Variants in DPY19L2 observed in about 807,000 individuals in gnomAD.
The protein encoded by DPY19L2 is probable C-mannosyltransferase DPY19L2.
DPY19L2 carries 34 observed loss-of-function variants against 97.9 expected under a neutral mutation model. The observed-to-expected ratio is 0.35, with a 90% CI of 0.26 to 0.46. The LOEUF (loss-of-function observed/expected upper bound fraction) is 0.46. DPY19L2 is among the 20% of genes least tolerant of loss of function. DPY19L2 has a pLI of 1.00. For missense variants in DPY19L2, 623 were observed against 911.4 expected, an observed-to-expected ratio of 0.68 and a Z score of 4.07; for synonymous variants, 230 against 307.9, an observed-to-expected ratio of 0.75 and a Z score of 2.65.
chr12:63,603,819 T>C (rs4044901), intron 12 of DPY19L2, among the ~76,000 whole-genome samples: 1 of 152,174 alleles, frequency 6.6e-6, no homozygotes, highest in Non-Finnish European at 1.5e-5. Flanking sequence ...AGAGCTCATA[T>C]AGCCAAGACA....
intron 11 of DPY19L2, among the ~76,000 whole-genome samples, chr12:63,609,744 G>C (rs1485888097): frequency 6.6e-6 from 1 of 152,116 alleles, no homozygotes; most frequent in Non-Finnish European, 1.5e-5. Flanking sequence ...TCTACAAGTT[G>C]ATAGGTTATT....
rs548434218 is a variant in DPY19L2 at position 63,634,796 on chromosome 12, G to C, written c.804-8270C>G. Among the ~76,000 whole-genome samples the C allele has an allele frequency of 5.9e-3, 901 of 152,160 alleles. 2 individuals are homozygous for C. Among genetic ancestry groups the C allele is most frequent in the African/African-American group, 0.021 (861 of 41,492 alleles). On this transcript the variant is annotated intron_variant, in intron 6 of 21. Coordinates refer to ENST00000324472, the MANE Select transcript of DPY19L2 (RefSeq NM_173812.5). ...CAAAGCAGCCAGGAAGCTCGAACAG[G>C]GTGGAGCCCACCGCAGCTCAAGGAG...
At chr12:63,598,960 G>T (rs1365301204) in intron 13 of DPY19L2, among the ~76,000 whole-genome samples, 1 of 151,526 alleles carries the variant, frequency 6.6e-6, no homozygotes, top group Non-Finnish European at 1.5e-5. Flanking sequence ...ATCACTTGAG[G>T]TCAGGAGTTT....
chr12:63,634,796 G>T (rs548434218), intron 6 of DPY19L2, among the ~76,000 whole-genome samples: 6 of 152,090 alleles, frequency 3.9e-5, no homozygotes, highest in Non-Finnish European at 8.8e-5. Flanking sequence ...GCTCGAACAG[G>T]GTGGAGCCCA....
At chr12:63,566,223 T>C (rs1264413598) in intron 21 of DPY19L2, among the ~76,000 whole-genome samples, 3 of 151,960 alleles carry the variant, frequency 2.0e-5, no homozygotes, top group Non-Finnish European at 4.4e-5. Context: ...AGTGCTCTTT[T>C]GTTTTTTTAA....
chr12:63,659,218 A>C (rs1256988366), intron 4 of DPY19L2, among the ~76,000 whole-genome samples: 1 of 152,184 alleles, frequency 6.6e-6, no homozygotes, highest in Non-Finnish European at 1.5e-5. Flanking sequence ...TTAATATTCA[A>C]AATCAACTAT....
intron 16 of DPY19L2, among the ~76,000 whole-genome samples, chr12:63,592,908 T>A (rs1295986936): frequency 2.0e-5 from 3 of 151,300 alleles, no homozygotes; most frequent in African/African-American, 7.3e-5. Flanking sequence ...AGGGCTAATA[T>A]CCAGAATCTA....
chr12:63,661,254 C>T, intron 4 of DPY19L2, 90 bp downstream of exon 4: 1 of 1,282,892 alleles, frequency 7.8e-7, no homozygotes, highest in Non-Finnish European at 1.0e-6. Context: ...TGAAACGTCC[C>T]CTCCCTTTCT....
In DPY19L2 at chr12:63,667,748, T is replaced by A. The variant is rs187881648; in HGVS notation, c.337+309A>T. On this transcript the variant is annotated intron_variant, in intron 1 of 21. Transcript: ENST00000324472. ...CCCTCCCAAATATTGCAAGACTTGC[T>A]CCACTAATTATTTCCTCTCTTGGAA... Among the ~76,000 whole-genome samples the A allele has an allele frequency of 5.4e-4, 82 of 152,216 alleles. 1 individual carries two copies. Among genetic ancestry groups the A allele is most frequent in the Admixed American group, 8.5e-4 (13 of 15,284 alleles).
intron 7 of DPY19L2, among the ~76,000 whole-genome samples, chr12:63,626,191 T>C (rs986956404): frequency 6.6e-6 from 1 of 151,390 alleles, no homozygotes; most frequent in Non-Finnish European, 1.5e-5. Flanking sequence ...ATGTGCATGA[T>C]ATGATTCAAC....
chr12:63,615,222 A>C (rs945589273), intron 11 of DPY19L2, among the ~76,000 whole-genome samples: 4 of 152,178 alleles, frequency 2.6e-5, no homozygotes, highest in African/African-American at 7.2e-5. Context: ...AAGAGCCTAC[A>C]TTTGGAAGAT....
intron 4 of DPY19L2, among the ~76,000 whole-genome samples, chr12:63,656,042 T>C (rs1894927193): frequency 6.6e-6 from 1 of 152,204 alleles, no homozygotes; most frequent in Admixed American, 6.5e-5. Context: ...TTTTGGGTTA[T>C]TTGATTGCCC....
upstream of DPY19L2, chr12:63,668,675 C>A: frequency 2.3e-6 from 1 of 444,036 alleles, no homozygotes; most frequent in Admixed American, 3.8e-5. Context: ...TGAGGGCAGC[C>A]CCACGCACAG....
chr12:63,603,239 T>C (rs1357406925), intron 12 of DPY19L2, among the ~76,000 whole-genome samples: 1 of 152,192 alleles, frequency 6.6e-6, no homozygotes, highest in Non-Finnish European at 1.5e-5. Flanking sequence ...GCAAAAAAAG[T>C]ACACGAAAGG....
rs1466893716 is a variant in DPY19L2, at chr12:63,559,092, G to A, written c.*1420C>T. The A allele has an allele frequency of 1.3e-5, 2 of 152,022 alleles. No individual in the cohort carries two copies. Among genetic ancestry groups the A allele is most frequent in the Non-Finnish European group, 2.9e-5 (2 of 67,988 alleles). 9.4% of individuals were successfully genotyped at this position (152,022 alleles called of 1,614,324 possible). A position where few individuals can be genotyped will look rare whatever the true frequency, so the allele number is the denominator to read the frequency against. Reference sequence around the variant, plus strand: ...AATTTTTATGAATGTTAGGTGTTATGTCTCTTTTCTTTGACGCTCTCCTTT... The same window carrying A: ...AATTTTTATGAATGTTAGGTGTTATATCTCTTTTCTTTGACGCTCTCCTTT... On this transcript the variant is annotated 3_prime_UTR_variant, in exon 22 of 22. Coordinates refer to ENST00000324472, the MANE Select transcript of DPY19L2 (RefSeq NM_173812.5).
intron 6 of DPY19L2, among the ~76,000 whole-genome samples, chr12:63,631,744 T>G (rs62469585): frequency 1.3e-5 from 2 of 152,134 alleles, no homozygotes; most frequent in Non-Finnish European, 2.9e-5. Context: ...TACCAAAGTC[T>G]GGCAGAGACA....
intron 21 of DPY19L2, among the ~76,000 whole-genome samples, chr12:63,567,036 A>C (rs910604887): frequency 6.6e-6 from 1 of 152,138 alleles, no homozygotes; most frequent in Non-Finnish European, 1.5e-5. Flanking sequence ...CTTTCTTGAC[A>C]TATAACGATA....
chr12:63,656,581 T>G (rs1895005185), intron 4 of DPY19L2, among the ~76,000 whole-genome samples: 1 of 152,198 alleles, frequency 6.6e-6, no homozygotes, highest in African/African-American at 2.4e-5. Context: ...GATCTGTGGT[T>G]TGGTATCTGT....
chr12:63,638,690 A>G (rs1348549013), intron 6 of DPY19L2, among the ~76,000 whole-genome samples: 6 of 152,272 alleles, frequency 3.9e-5, no homozygotes, highest in Non-Finnish European at 4.4e-5. Context: ...ACCACTGCTC[A>G]ACGAAATCAA....
Sources: gnomAD v4.1 joint callset for allele counts (sites outside exome capture counted in the v4.1 genomes callset) on GRCh38, gnomAD v4.1.1 for gene constraint, MANE v1.5 for transcripts, NCBI Gene and HGNC (gene_info 2026-07-23, HGNC 2026-07-21) for gene names.